OPHN1: variants seen among roughly 807,000 people sequenced by gnomAD.
The protein encoded by OPHN1 is oligophrenin 1, also known as oligophrenin-1.
OPHN1 carries 11 observed loss-of-function variants against 60.7 expected under a neutral mutation model. The ratio of observed to expected loss-of-function variants is 0.18; its 90% CI spans 0.11 to 0.30. The LOEUF is 0.30. Ranked by LOEUF, OPHN1 falls within the 10% of genes least tolerant of loss-of-function variation. The pLI is 1.00. For missense variants in OPHN1, 449 were observed against 611.0 expected (o/e 0.73, Z 2.80); for synonymous variants, 226 against 222.6 (o/e 1.02, Z -0.14).
chrX:68,183,402 CCTCT>C (rs1305752048), intron 15 of OPHN1, among the ~76,000 whole-genome samples: 4 of 111,780 alleles, frequency 3.6e-5, no homozygotes, highest in African/African-American at 1.3e-4. Context: ...CTCTGCCCTC[CCTCT>C]ATTTGCCTAA....
chrX:68,173,569 G>A (rs752292962), intron 15 of OPHN1, among the ~76,000 whole-genome samples: 1 of 111,302 alleles, frequency 9.0e-6, no homozygotes, highest in Non-Finnish European at 1.9e-5. Flanking sequence ...TCCTGTGAAA[G>A]GCACATTGTA....
At chrX:68,071,245 A>G in intron 20 of OPHN1, 1 of 669,123 alleles carries the variant, frequency 1.5e-6, no homozygotes, top group East Asian at 3.2e-5. Flanking sequence ...ACTGACTCCT[A>G]CCATGGAGCT....
intron 15 of OPHN1, among the ~76,000 whole-genome samples, chrX:68,177,343 G>C (rs1015907589): frequency 9.1e-5 from 10 of 109,464 alleles, no homozygotes; most frequent in Admixed American, 6.9e-4. Flanking sequence ...CTTAAAAATA[G>C]TTAAGATGGT....
chrX:68,410,836 G>A (rs750671263), intron 2 of OPHN1, among the ~76,000 whole-genome samples: 1 of 111,568 alleles, frequency 9.0e-6, no homozygotes, highest in African/African-American at 3.3e-5. Context: ...TATTCACAGC[G>A]GCATTGTTCA....
intron 23 of OPHN1, among the ~76,000 whole-genome samples, 167 bp downstream of exon 23, chrX:68,052,369 TGACA>T (rs1177335412): frequency 9.3e-6 from 1 of 107,414 alleles, no homozygotes; most frequent in Non-Finnish European, 1.9e-5. Context: ...GGTGAACAGG[TGACA>T]GACAGATAGG....
chrX:68,117,895 A>G (rs958883127), intron 16 of OPHN1, among the ~76,000 whole-genome samples: 1 of 112,143 alleles, frequency 8.9e-6, no homozygotes, highest in Non-Finnish European at 1.9e-5. Flanking sequence ...CCTGCCTATT[A>G]TAGGATGAGC....
At chrX:68,168,507 T>C (rs964347015) in intron 15 of OPHN1, among the ~76,000 whole-genome samples, 1 of 109,663 alleles carries the variant, frequency 9.1e-6, no homozygotes, top group Non-Finnish European at 1.9e-5. Context: ...CAAAGCACTG[T>C]GTAGAGGTAA....
chrX:68,363,001 AT>A (rs1407535839), intron 2 of OPHN1, among the ~76,000 whole-genome samples: 6 of 111,038 alleles, frequency 5.4e-5, no homozygotes, highest in African/African-American at 1.6e-4. Flanking sequence ...AAATCCCAGC[AT>A]TTTGGGATGC....
chrX:68,098,920 G>GC (rs1270735086), intron 18 of OPHN1, among the ~76,000 whole-genome samples: 1 of 111,230 alleles, frequency 9.0e-6, no homozygotes, highest in African/African-American at 3.3e-5. Context: ...AAAGCACTTG[G>GC]CAAGGTCATA....
chrX:68,093,935 T>G (rs763312919), intron 19 of OPHN1, among the ~76,000 whole-genome samples: 4 of 110,846 alleles, frequency 3.6e-5, no homozygotes, highest in Non-Finnish European at 7.6e-5. Context: ...AATTTATTGA[T>G]TTTTTTTCTT....
At chrX:68,388,431 G>A (rs763536792) in intron 2 of OPHN1, among the ~76,000 whole-genome samples, 2 of 103,837 alleles carry the variant, frequency 1.9e-5, no homozygotes, top group East Asian at 3.0e-4. Flanking sequence ...CTGCACCCCC[G>A]ACTGGGTGAT....
At chrX:68,253,816 T>C (rs2077847813) in intron 5 of OPHN1, among the ~76,000 whole-genome samples, 1 of 111,825 alleles carries the variant, frequency 8.9e-6, no homozygotes, top group African/African-American at 3.2e-5. Flanking sequence ...TTCTACTTTA[T>C]CTACTGTTAT....
At chrX:68,217,407 C>T (rs1455101108) in intron 6 of OPHN1, among the ~76,000 whole-genome samples, 2 of 112,045 alleles carry the variant, frequency 1.8e-5, no homozygotes, top group Non-Finnish European at 3.8e-5. Flanking sequence ...CCAGGAAGCT[C>T]GAACTGGGTG....
At chrX:68,314,243 C>T (rs1485149194) in intron 2 of OPHN1, among the ~76,000 whole-genome samples, 1 of 111,512 alleles carries the variant, frequency 9.0e-6, no homozygotes, top group East Asian at 2.8e-4. Flanking sequence ...CCAACCGGGC[C>T]AGGCACAGTG....
intron 2 of OPHN1, among the ~76,000 whole-genome samples, chrX:68,369,378 G>T (rs2078515759): frequency 9.0e-6 from 1 of 111,192 alleles, no homozygotes; most frequent in African/African-American, 3.3e-5. Context: ...AGAAGGGAGA[G>T]AATATGATAT....
intron 2 of OPHN1, among the ~76,000 whole-genome samples, chrX:68,306,724 A>C (rs994942277): frequency 9.0e-6 from 1 of 111,490 alleles, no homozygotes; most frequent in Non-Finnish European, 1.9e-5. Context: ...TTTTCCCCAA[A>C]TTCATCTTCT....
In OPHN1 at chrX:68,113,268, T is replaced by G. The variant is rs373540203; in HGVS notation, c.1362-29A>C. On this transcript the variant is annotated intron_variant, in intron 16 of 24. Transcript: ENST00000355520. ...AAATGAATGAAAATTGTCAGTTGCT[T>G]TGGGAAGAAAGCAGCTGGGTATTGG... is the stretch of plus-strand genomic sequence containing the variant. 114 of 1,157,952 alleles carry G rather than the reference T, an allele frequency of 9.8e-5. No individual in the cohort carries two copies. In the African/African-American group the frequency reaches 2.0e-3, roughly 20 times the overall value.
At chrX:68,319,127 C>A (rs1408586836) in intron 2 of OPHN1, among the ~76,000 whole-genome samples, 1 of 111,860 alleles carries the variant, frequency 8.9e-6, no homozygotes, top group Admixed American at 9.5e-5. Context: ...GTGCAGTCCA[C>A]ATTTATGCCC....
intron 5 of OPHN1, among the ~76,000 whole-genome samples, chrX:68,254,711 T>A (rs1019729618): frequency 9.0e-6 from 1 of 111,013 alleles, no homozygotes; most frequent in African/African-American, 3.3e-5. Flanking sequence ...AGACAAACTA[T>A]GCCATGTGAA....
Sources: allele counts gnomAD v4.1 joint callset (sites outside exome capture counted in the v4.1 genomes callset), GRCh38; gene constraint gnomAD v4.1.1; transcripts MANE v1.5; gene names NCBI Gene and HGNC (gene_info 2026-07-23, HGNC 2026-07-21).